The following GLB1 variants were observed in gnomAD, a reference collection of about 807,000 sequenced individuals.
The protein encoded by GLB1 is beta-galactosidase.
GLB1 carries 56 observed loss-of-function variants against 74.0 expected under a neutral mutation model. The observed-to-expected ratio is 0.76, with a 90% CI of 0.61 to 0.94. The LOEUF is 0.94. Among genes scored for constraint, GLB1 ranks in the 40% least tolerant of loss-of-function variants. The probability of loss-of-function intolerance (pLI) is 0.00; values close to 1 mark genes in which losing one functional copy is unlikely to be tolerated. For synonymous variants in GLB1, 323 were observed against 323.6 expected (o/e 1.00, Z 0.02); for missense variants, 787 against 845.5 (o/e 0.93, Z 0.86).
At chr3:32,979,178 G>A in the GLB1 span, among the ~76,000 whole-genome samples, 1 of 151,884 alleles carries the variant, frequency 6.6e-6, no homozygotes, top group East Asian at 1.9e-4. Flanking sequence ...GTTTCTCCAC[G>A]TTGGTCAGCC....
chr3:33,031,675 A>ATATATATATATATATATAT (rs1698048432), intron 10 of GLB1, among the ~76,000 whole-genome samples: 12 of 128,354 alleles, frequency 9.3e-5, no homozygotes, highest in African/African-American at 1.7e-4. Context: ...ATATATATAT[A>ATATATATATATATATATAT]ATCTCCACTA....
intron 10 of GLB1, among the ~76,000 whole-genome samples, chr3:33,044,352 A>G (rs1698659526): frequency 6.6e-6 from 1 of 152,190 alleles, no homozygotes; most frequent in Non-Finnish European, 1.5e-5. Context: ...TTTAGAAGCA[A>G]ACAGTAAGAA....
intron 12 of GLB1, among the ~76,000 whole-genome samples, chr3:33,019,710 T>G (rs1697391059): frequency 6.6e-6 from 1 of 152,168 alleles, no homozygotes; most frequent in South Asian, 2.1e-4. Context: ...TTTTGAAAAC[T>G]AGCTAAAGTG....
chr3:33,006,474 C>A (rs555996410), intron 15 of GLB1, among the ~76,000 whole-genome samples: 88 of 152,076 alleles, frequency 5.8e-4, no homozygotes, highest in Non-Finnish European at 1.1e-3. Context: ...CGAAACTAGT[C>A]CCTGATACCA....
chr3:33,018,645 GAT>G, intron 12 of GLB1, 84 bp from the exon 13 acceptor site: 1 of 1,405,416 alleles, frequency 7.1e-7, no homozygotes, highest in South Asian at 1.2e-5. Context: ...GTATGAAAGC[GAT>G]GTTTCTCAAA....
intron 5 of GLB1, among the ~76,000 whole-genome samples, chr3:33,059,797 C>T (rs1429884761): frequency 6.6e-6 from 1 of 152,182 alleles, no homozygotes; most frequent in Non-Finnish European, 1.5e-5. Context: ...TGCTATATTT[C>T]ATTTATAAAA....
intron 10 of GLB1, among the ~76,000 whole-genome samples, chr3:33,026,121 G>C (rs1241929186): frequency 6.6e-6 from 1 of 152,092 alleles, no homozygotes; most frequent in Admixed American, 6.5e-5. Context: ...CGTGGCTGCA[G>C]CTACCAAGCT....
At chr3:33,095,612 C>T (rs73043358) in intron 1 of GLB1, among the ~76,000 whole-genome samples, 4 of 152,262 alleles carry the variant, frequency 2.6e-5, no homozygotes, top group African/African-American at 7.2e-5. Context: ...AGCCACAGGG[C>T]ATCCACCCTG....
chr3:32,986,692 G>C, the GLB1 span, among the ~76,000 whole-genome samples: 1 of 151,202 alleles, frequency 6.6e-6, no homozygotes, highest in Non-Finnish European at 1.5e-5. Flanking sequence ...CCGGGTTCAC[G>C]TGACACTCCT....
chr3:32,979,224 C>A, the GLB1 span, among the ~76,000 whole-genome samples: 22 of 152,056 alleles, frequency 1.4e-4, 1 homozygote, highest in Admixed American at 1.4e-3. Context: ...GATCCACCTG[C>A]TCCGGTCTCC....
At chr3:32,995,613 G>GA (rs1393768752), downstream of GLB1, among the ~76,000 whole-genome samples, 1 of 151,752 alleles carries the variant, frequency 6.6e-6, no homozygotes, top group Admixed American at 6.6e-5. Context: ...ATGACAGAGG[G>GA]AAAAATATAC....
intron 1 of GLB1, chr3:33,094,086 A>C: frequency 6.2e-7 from 1 of 1,614,256 alleles, no homozygotes; most frequent in Non-Finnish European, 8.5e-7. Flanking sequence ...CCAGGCCCTG[A>C]GCTCAAGGCT....
In GLB1 at chr3:33,051,782, C is replaced by T. The variant is rs368568171; in HGVS notation, c.931G>A (p.Gly311Arg). 40 of 1,613,940 alleles carry T rather than the reference C, an allele frequency of 2.5e-5. No individual in the cohort carries two copies. Among genetic ancestry groups the T allele is most frequent in the Non-Finnish European group, 3.2e-5 (38 of 1,180,022 alleles). ...ASVNLYMFIG[G>R]TNFAYWNGAN... ...CCATTCCAATAGGCAAAATTGGTCC[C>T]ACCTATAAACATGTACCTACAAGGA... The change falls in exon 9 of 16, where the codon GGG becomes AGG. Residue 311 changes from glycine (G) to arginine (R), a missense_variant. Coordinates refer to ENST00000307363, the MANE Select transcript of GLB1 (RefSeq NM_000404.4).
Position 33,032,915 on chromosome 3 carries a change from T to C in GLB1, c.1069-8590A>G, listed in dbSNP as rs1698111975. On this transcript the variant is annotated intron_variant, in intron 10 of 15. Coordinates refer to ENST00000307363, the MANE Select transcript of GLB1 (RefSeq NM_000404.4). ...ATTTGACCATAACAAGCTAAGATCC[T>C]TGTCTCTTTCTGTTCCAGCTTCCCT... Among the ~76,000 whole-genome samples the C allele has an allele frequency of 2.6e-5, 4 of 152,336 alleles. No homozygotes were observed. The South Asian group carries it at 8.3e-4, about 32-fold the overall frequency.
At chr3:33,029,494 TA>T (rs1318289050) in intron 10 of GLB1, among the ~76,000 whole-genome samples, 1 of 152,178 alleles carries the variant, frequency 6.6e-6, no homozygotes, top group African/African-American at 2.4e-5. Context: ...ATAAATCAGT[TA>T]TATTAATACA....
intron 15 of GLB1, among the ~76,000 whole-genome samples, chr3:33,003,225 C>T (rs1696649731): frequency 6.6e-6 from 1 of 152,236 alleles, no homozygotes; most frequent in African/African-American, 2.4e-5. Context: ...TAAATCACTT[C>T]TCATCAAATC....
chr3:32,997,025 A>G lies in GLB1; in HGVS notation c.*20T>C. The G allele has an allele frequency of 3.7e-6, 6 of 1,614,182 alleles. No homozygotes were observed. Among genetic ancestry groups the G allele is most frequent in the Non-Finnish European group, 5.1e-6 (6 of 1,180,024 alleles). On this transcript the variant is annotated 3_prime_UTR_variant, in exon 16 of 16. Coordinates refer to ENST00000307363, the MANE Select transcript of GLB1 (RefSeq NM_000404.4). ...AGGTATGTTCAGGGTAGAATCCCTC[A>G]AAGACACAGGCTTTCATCATCATAC...
At chr3:33,083,196 G>A (rs570817541) in intron 1 of GLB1, among the ~76,000 whole-genome samples, 61 of 152,166 alleles carry the variant, frequency 4.0e-4, no homozygotes, top group African/African-American at 1.4e-3. Context: ...TCAGGAGTTC[G>A]AGACCAGCCT....
intron 10 of GLB1, among the ~76,000 whole-genome samples, chr3:33,026,838 G>C (rs1697783550): frequency 6.6e-6 from 1 of 152,028 alleles, no homozygotes; most frequent in Admixed American, 6.5e-5. Context: ...GGACACCCTG[G>C]CTATGGAGAC....
Sources: allele counts gnomAD v4.1 joint callset (sites outside exome capture counted in the v4.1 genomes callset), GRCh38; gene constraint gnomAD v4.1.1; transcripts MANE v1.5; gene names NCBI Gene and HGNC (gene_info 2026-07-23, HGNC 2026-07-21).